MICAL3: variants seen among roughly 807,000 people sequenced by gnomAD.
The protein encoded by MICAL3 is microtubule associated monooxygenase, calponin and LIM domain containing 3.
MICAL3 carries 62 observed loss-of-function variants against 207.4 expected under a neutral mutation model. The observed-to-expected ratio is 0.30, with a 90% CI of 0.24 to 0.37. The LOEUF is 0.37. Ranked by LOEUF, MICAL3 falls within the 10% of genes least tolerant of loss-of-function variation. MICAL3 has a pLI of 1.00. For missense variants in MICAL3, 2,368 were observed against 2,635.6 expected, an observed-to-expected ratio of 0.90 and a Z score of 2.22; for synonymous variants, 1,077 against 1,069.3, an observed-to-expected ratio of 1.01 and a Z score of -0.14.
intron 2 of MICAL3, among the ~76,000 whole-genome samples, chr22:17,905,205 G>A (rs1002158108): frequency 4.6e-5 from 7 of 152,166 alleles, no homozygotes; most frequent in Non-Finnish European, 1.5e-5. Context: ...CATTTCGAAG[G>A]TTTCTAGGTC....
At chr22:17,893,086 G>A (rs1930514318) in intron 11 of MICAL3, among the ~76,000 whole-genome samples, 1 of 152,142 alleles carries the variant, frequency 6.6e-6, no homozygotes, top group East Asian at 1.9e-4. Flanking sequence ...ACCTCTTCGA[G>A]GCCGCACAAT....
chr22:17,957,391 T>A (rs184197637), intron 1 of MICAL3, among the ~76,000 whole-genome samples: 1 of 152,204 alleles, frequency 6.6e-6, no homozygotes, highest in African/African-American at 2.4e-5. Context: ...CTGAAACTAA[T>A]CTCATCTGAT....
intron 10 of MICAL3, among the ~76,000 whole-genome samples, chr22:17,895,036 G>A (rs951684172): frequency 6.6e-6 from 1 of 152,124 alleles, no homozygotes; most frequent in Non-Finnish European, 1.5e-5. Context: ...TAGAAGACGT[G>A]GCATAAAGGC....
At chr22:17,850,402 T>G (rs1436705931) in intron 19 of MICAL3, among the ~76,000 whole-genome samples, 1 of 97,042 alleles carries the variant, frequency 1.0e-5, no homozygotes, top group African/African-American at 5.7e-5. Flanking sequence ...TTGAATTAGT[T>G]TTTTTTTTTT....
rs777405586 is a variant in MICAL3, at chr22:17,810,770, C to T, written c.5489G>A (p.Arg1830Gln). Residue 1830 changes from arginine (R) to glutamine (Q), a missense_variant, in exon 28 of 32, where the codon CGG becomes CAG. Physicochemically the swap from Arg to Gln is conservative, Grantham distance 43 (BLOSUM62 1). Coordinates refer to ENST00000441493, the MANE Select transcript of MICAL3 (RefSeq NM_015241.3). ...TCTCCGAGCTGCCTTTTGCACACGC[C>T]GGGTCAGCTTGGCATTCAGTTCCTC... ...TEEELNAKLT[R>Q]RVQKAARRQA... 5.5e-5 allele frequency: 89 copies of T among 1,613,826 alleles called. No homozygotes were observed. The highest frequency in any genetic ancestry group is 2.5e-4 in the Admixed American group (15 of 59,994).
chr22:17,863,166 G>A lies in MICAL3; in HGVS notation c.2605+1733C>T, dbSNP rs939796817. On this transcript the variant is annotated intron_variant, in intron 19 of 31. Transcript: ENST00000441493. ...ATTAGATGGCAAGAATGGCAACCTC[G>A]ACCAGATGGGAAAGTCAGCAAACCT... 9.1e-6 allele frequency: 9 copies of A among 985,244 alleles called. No individual in the cohort carries two copies. In the Admixed American group the frequency reaches 2.5e-4, roughly 27 times the overall value. 61.0% of individuals were successfully genotyped at this position (985,244 alleles called of 1,614,324 possible).
chr22:17,931,449 C>T (rs1933260654), intron 1 of MICAL3, among the ~76,000 whole-genome samples: 1 of 152,180 alleles, frequency 6.6e-6, no homozygotes, highest in Non-Finnish European at 1.5e-5. Context: ...TCAGATCTGG[C>T]AGACAGCTGG....
intron 21 of MICAL3, among the ~76,000 whole-genome samples, chr22:17,830,645 G>T (rs1246903530): frequency 6.6e-6 from 1 of 152,222 alleles, no homozygotes; most frequent in Non-Finnish European, 1.5e-5. Flanking sequence ...GCAGCATGGA[G>T]GGAGAGCCCA....
At chr22:17,811,895 C>T (rs751204056) in intron 27 of MICAL3, among the ~76,000 whole-genome samples, 27 of 152,264 alleles carry the variant, frequency 1.8e-4, no homozygotes, top group Non-Finnish European at 3.4e-4. Context: ...TAGGCGTGTG[C>T]CACCTCGCCC....
At chr22:17,999,986 G>A (rs559031421) in intron 1 of MICAL3, among the ~76,000 whole-genome samples, 2 of 152,344 alleles carry the variant, frequency 1.3e-5, no homozygotes, top group African/African-American at 4.8e-5. Context: ...TGAGAGGGCT[G>A]CAGAGATGTG....
intron 1 of MICAL3, among the ~76,000 whole-genome samples, chr22:17,907,210 G>A (rs1931792508): frequency 7.4e-6 from 1 of 134,894 alleles, no homozygotes; most frequent in South Asian, 2.3e-4. Flanking sequence ...AGTCACTATT[G>A]GTGGTGAAGG....
At chr22:17,899,166 A>G (rs1931114044) in intron 7 of MICAL3, among the ~76,000 whole-genome samples, 1 of 152,236 alleles carries the variant, frequency 6.6e-6, no homozygotes, top group Non-Finnish European at 1.5e-5. Context: ...GTGCACAGAA[A>G]TATTACTGAC....
intron 19 of MICAL3, 105 bp downstream of exon 19, chr22:17,864,794 C>G (rs200595485): frequency 6.2e-7 from 1 of 1,613,892 alleles, no homozygotes. Flanking sequence ...ACTTGTTGCC[C>G]GAATGAAGAA....
intron 16 of MICAL3, chr22:17,876,853 TTATGGAGGTTAGGGAGGTTAG>T (rs1173143337): frequency 1.2e-4 from 17 of 139,178 alleles, no homozygotes; most frequent in Non-Finnish European, 1.4e-4. Context: ...GTTAGGGAGG[TTATGGAGGTTAGGGAGGTTAG>T]GGAGGTTAGG....
intron 1 of MICAL3, among the ~76,000 whole-genome samples, chr22:17,937,270 C>A (rs1275721044): frequency 6.6e-6 from 1 of 152,228 alleles, no homozygotes; most frequent in Non-Finnish European, 1.5e-5. Flanking sequence ...TACCACAGGT[C>A]CTTCTGAGGA....
chr22:17,822,148 C>T lies in MICAL3; in HGVS notation c.3330G>A (p.Pro1110=), dbSNP rs201754424. The T allele has an allele frequency of 5.0e-5, 81 of 1,613,734 alleles. No individual in the cohort carries two copies. In the Admixed American group the frequency reaches 8.7e-4, roughly 17 times the overall value. ...AACGCAGCTCTCTGTCAGCATCCGACGGGCTGTCAGACCAGTGCTGATCTG... is the reference window on the plus strand; with the variant it reads ...AACGCAGCTCTCTGTCAGCATCCGATGGGCTGTCAGACCAGTGCTGATCTG... ...LDDDQHWSDS[P]SDADRELRLP... Residue 1110 remains proline (P), a synonymous_variant, in exon 24 of 32, where the codon CCG becomes CCA. Coordinates refer to ENST00000441493, the MANE Select transcript of MICAL3 (RefSeq NM_015241.3).
chr22:17,985,223 G>A (rs1356515437), intron 1 of MICAL3, among the ~76,000 whole-genome samples: 1 of 152,200 alleles, frequency 6.6e-6, no homozygotes, highest in African/African-American at 2.4e-5. Flanking sequence ...GGTCCGGCCA[G>A]GGAGGGGACA....
At chr22:17,965,504 T>C (rs573891157) in intron 1 of MICAL3, among the ~76,000 whole-genome samples, 132 of 152,344 alleles carry the variant, frequency 8.7e-4, no homozygotes, top group Admixed American at 1.6e-3. Flanking sequence ...CTGATGAAGA[T>C]GAGGCCCCCA....
chr22:17,865,779 C>T (rs971655608), intron 18 of MICAL3, 145 bp downstream of exon 18: 12 of 681,806 alleles, frequency 1.8e-5, no homozygotes, highest in Middle Eastern at 3.8e-4. Flanking sequence ...CTCTCCACCC[C>T]GGACTGCCAC....
Sources: gnomAD v4.1 joint callset for allele counts (sites outside exome capture counted in the v4.1 genomes callset) on GRCh38, gnomAD v4.1.1 for gene constraint, MANE v1.5 for transcripts, NCBI Gene and HGNC (gene_info 2026-07-23, HGNC 2026-07-21) for gene names.